The following KBTBD2 variants were observed in gnomAD, a reference collection of about 807,000 sequenced individuals.
KBTBD2 encodes kelch repeat and BTB domain containing 2.
Under a neutral mutation model 57.1 loss-of-function variants are expected in KBTBD2, and 17 were observed. The observed-to-expected ratio is 0.30, with a 90% CI of 0.20 to 0.45. The LOEUF is 0.45. Among genes scored for constraint, KBTBD2 ranks in the 20% least tolerant of loss-of-function variants. The pLI is 1.00. For missense variants in KBTBD2, 515 were observed against 750.6 expected (o/e 0.69, Z 3.67); for synonymous variants, 267 against 262.7 (o/e 1.02, Z -0.16).
intron 3 of KBTBD2, among the ~76,000 whole-genome samples, chr7:32,873,979 T>C (rs574325093): frequency 2.0e-5 from 3 of 152,274 alleles, no homozygotes; most frequent in South Asian, 4.1e-4. Context: ...AAGACATTAC[T>C]GGGCCAGGCA....
At chr7:32,884,560 C>T (rs1348775437) in intron 1 of KBTBD2, among the ~76,000 whole-genome samples, 2 of 151,528 alleles carry the variant, frequency 1.3e-5, no homozygotes, top group East Asian at 1.9e-4. Context: ...TGTGATGGTG[C>T]GTGCCTGTAA....
chr7:32,878,757 A>T (rs1366155889), intron 2 of KBTBD2, among the ~76,000 whole-genome samples: 1 of 152,202 alleles, frequency 6.6e-6, no homozygotes, highest in Non-Finnish European at 1.5e-5. Flanking sequence ...GAACAAATAA[A>T]GCAATCCATC....
At position 32,889,109 on chromosome 7, in the gene KBTBD2, C is replaced by T. The variant is rs964979636; in HGVS notation, c.-339+2427G>A. 1.5e-4 allele frequency among the ~76,000 whole-genome samples: 23 copies of T among 152,058 alleles called. No homozygotes were observed. In the East Asian group the frequency reaches 3.7e-3, roughly 24 times the overall value. ...CGGGCAGATCACCAGGTCAGGAGAT[C>T]GAGACCATCCTGGCTAACACGGTGA... is the stretch of plus-strand genomic sequence containing the variant. On this transcript the variant is annotated intron_variant, in intron 1 of 3. Coordinates refer to ENST00000304056, the MANE Select transcript of KBTBD2 (RefSeq NM_015483.3).
At position 32,869,166 on chromosome 7, in the gene KBTBD2, T is replaced by C. The variant is rs1352318782; in HGVS notation, c.*179A>G. On this transcript the variant is annotated 3_prime_UTR_variant, in exon 4 of 4. Transcript: ENST00000304056. ...CTATTTCATATTATGGAAGCATATC[T>C]TTCTGTAAGACTCACTGATATATAT... 7.6e-6 allele frequency: 4 copies of C among 527,990 alleles called. No individual in the cohort carries two copies. Among genetic ancestry groups the C allele is most frequent in the Non-Finnish European group, 1.0e-5 (3 of 301,350 alleles). 32.7% of individuals were successfully genotyped at this position (527,990 alleles called of 1,614,324 possible).
intron 1 of KBTBD2, among the ~76,000 whole-genome samples, chr7:32,880,202 G>A (rs1312935800): frequency 6.6e-6 from 1 of 151,944 alleles, no homozygotes; most frequent in East Asian, 1.9e-4. Context: ...ACGAACACAT[G>A]AATAAGTACA....
rs1431992354 is a variant in KBTBD2, at chr7:32,869,974, A to G, written c.1243T>C (p.Leu415=). 3.1e-6 allele frequency: 5 copies of G among 1,614,130 alleles called. No individual in the cohort carries two copies. The East Asian group carries it at 1.1e-4, about 36-fold the overall frequency. Residue 415 remains leucine, a synonymous_variant, in exon 4 of 4, where the codon TTA becomes CTA. Transcript: ENST00000304056. The part of the protein sequence containing the change: ...EKDEWTMVSP[L]PCAWQWSAAV... ...GCACTCCATTGCCAAGCACAAGGTA[A>G]AGGGCTTACCATCGTCCACTCATCT...
intron 1 of KBTBD2, among the ~76,000 whole-genome samples, chr7:32,880,438 A>G (rs1253237546): frequency 2.0e-5 from 3 of 152,190 alleles, no homozygotes; most frequent in Non-Finnish European, 4.4e-5. Flanking sequence ...ATAGATTCAA[A>G]CTGTTAATTT....
rs1784104698 is a variant in KBTBD2, at chr7:32,869,244, G to C, written c.*101C>G. On this transcript the variant is annotated 3_prime_UTR_variant, in exon 4 of 4. Transcript: ENST00000304056. ...ATAAAAATAAAATTTATCAAAGATA[G>C]AATTTTATGTACTCATATTTAGTTC... The C allele has an allele frequency of 1.3e-6, 1 of 792,754 alleles. No individual in the cohort carries two copies. 49.1% of individuals were successfully genotyped at this position (792,754 alleles called of 1,614,324 possible).
intron 2 of KBTBD2, among the ~76,000 whole-genome samples, chr7:32,877,218 C>T (rs934827728): frequency 3.3e-5 from 5 of 152,004 alleles, no homozygotes; most frequent in Non-Finnish European, 7.4e-5. Flanking sequence ...GGGGTTTCAC[C>T]GTGTTAGCCA....
intron 1 of KBTBD2, among the ~76,000 whole-genome samples, chr7:32,883,162 G>C (rs1276065210): frequency 2.0e-5 from 3 of 152,104 alleles, no homozygotes; most frequent in African/African-American, 7.2e-5. Flanking sequence ...CTTGAGGCCT[G>C]AGGCCTGGAG....
At chr7:32,871,860 C>T (rs1784187356) in intron 3 of KBTBD2, among the ~76,000 whole-genome samples, 1 of 151,820 alleles carries the variant, frequency 6.6e-6, no homozygotes, top group Admixed American at 6.6e-5. Flanking sequence ...GTCTAAGAGG[C>T]AGAGTCCTGT....
chr7:32,891,874 G>GCCGCC (rs1554279059), upstream of KBTBD2: 1 of 94,232 alleles, frequency 1.1e-5, no homozygotes, highest in Non-Finnish European at 2.1e-5. Flanking sequence ...GAGACGCCGG[G>GCCGCC]CCCGCCGCCC....
Position 32,870,419 on chromosome 7 carries a change from C to T in KBTBD2, c.798G>A (p.Glu266=), listed in dbSNP as rs771182348. ...FFKPRLGMTK[E]EMMIFIEASS... Reference sequence around the variant, plus strand: ...ATGCTTCAATGAAAATCATCATTTCCTCTTTAGTCATCCCAAGTCTTGGTT... The same window carrying T: ...ATGCTTCAATGAAAATCATCATTTCTTCTTTAGTCATCCCAAGTCTTGGTT... The change falls in exon 4 of 4, where the codon GAG becomes GAA. Residue 266 remains glutamate (E), a synonymous_variant. Coordinates refer to ENST00000304056, the MANE Select transcript of KBTBD2 (RefSeq NM_015483.3). The T allele has an allele frequency of 6.2e-7, 1 of 1,613,956 alleles. No individual in the cohort carries two copies. The highest frequency in any genetic ancestry group is 1.1e-5 in the South Asian group (1 of 91,058).
chr7:32,873,571 T>G (rs1356794379), intron 3 of KBTBD2, among the ~76,000 whole-genome samples: 1 of 151,880 alleles, frequency 6.6e-6, no homozygotes, highest in African/African-American at 2.4e-5. Context: ...CCACCTCAAC[T>G]AAAAATACAA....
At position 32,869,736 on chromosome 7, in the gene KBTBD2, C is replaced by T. The variant is rs1326602439; in HGVS notation, c.1481G>A (p.Gly494Glu). ...ATAAATTTCCACAGTTACTGAAGAC[C>T]CATCTACAGTGCCAGAGGGGAGTCT... ...GIRLPSGTVD[G>E]SSVTVEIYDV... Residue 494 changes from glycine to glutamate, a missense_variant, in exon 4 of 4, where the codon GGG becomes GAG. Coordinates refer to ENST00000304056, the MANE Select transcript of KBTBD2 (RefSeq NM_015483.3). 110 of 1,613,894 alleles carry T rather than the reference C, an allele frequency of 6.8e-5. No individual in the cohort carries two copies. Among genetic ancestry groups the T allele is most frequent in the Non-Finnish European group, 9.3e-5 (110 of 1,179,962 alleles).
At chr7:32,880,539 T>C (rs962724458) in intron 1 of KBTBD2, among the ~76,000 whole-genome samples, 2 of 130,782 alleles carry the variant, frequency 1.5e-5, no homozygotes, top group South Asian at 4.8e-4. Flanking sequence ...CAAATAAAAG[T>C]ATATTTTACT....
In KBTBD2 at chr7:32,879,798, G is replaced by A. The variant is rs997080902; in HGVS notation, c.-194C>T. The stretch of plus-strand genomic sequence containing the variant: ...TAGAATCACTCCTAGGTCATCCTGT[G>A]TTAATTAGGTTCTTCAGAGTTTTTC... On this transcript the variant is annotated 5_prime_UTR_variant, in exon 2 of 4. Coordinates refer to ENST00000304056, the MANE Select transcript of KBTBD2 (RefSeq NM_015483.3). 4.0e-6 allele frequency: 2 copies of A among 495,902 alleles called. No individual in the cohort carries two copies. The highest frequency in any genetic ancestry group is 4.1e-5 in the Admixed American group (1 of 24,262). The allele number at this position is 495,902 out of a possible 1,614,324, so 30.7% of individuals were successfully genotyped here. A position where few individuals can be genotyped will look rare whatever the true frequency, so the allele number is the denominator to read the frequency against.
At position 32,879,620 on chromosome 7, in the gene KBTBD2, A is replaced by G. The variant is rs1319262868; in HGVS notation, c.-16T>C. 2.5e-6 allele frequency: 4 copies of G among 1,607,558 alleles called. No individual in the cohort carries two copies. Among genetic ancestry groups the G allele is most frequent in the East Asian group, 2.2e-5 (1 of 44,758 alleles). Reference sequence around the variant, plus strand: ...GAGTGGACATGACTGTATTCCATTAATATCTCCAGGAACAGATTAGAAAAG... The same window carrying G: ...GAGTGGACATGACTGTATTCCATTAGTATCTCCAGGAACAGATTAGAAAAG... On this transcript the variant is annotated 5_prime_UTR_variant, in exon 2 of 4. Transcript: ENST00000304056.
At chr7:32,876,900 T>C (rs910627146) in intron 2 of KBTBD2, among the ~76,000 whole-genome samples, 1 of 152,060 alleles carries the variant, frequency 6.6e-6, no homozygotes, top group Non-Finnish European at 1.5e-5. Flanking sequence ...GAGGTTGCAG[T>C]GAGCCAAGAT....
Sources: allele counts gnomAD v4.1 joint callset (sites outside exome capture counted in the v4.1 genomes callset), GRCh38; gene constraint gnomAD v4.1.1; transcripts MANE v1.5; gene names NCBI Gene and HGNC (gene_info 2026-07-23, HGNC 2026-07-21).